Variants in WWC2 observed in about 807,000 individuals in gnomAD.
WWC2 encodes the protein WW and C2 domain containing 2.
In WWC2, 101 loss-of-function variants were observed where a neutral mutation model predicts 138.5. The observed-to-expected ratio is 0.73, with a 90% confidence interval of 0.62 to 0.86. The LOEUF is 0.86. Ranked by LOEUF, WWC2 falls within the 40% of genes least tolerant of loss-of-function variation. WWC2 has a pLI of 0.00. For missense variants in WWC2, 1,420 were observed against 1,419.4 expected, an observed-to-expected ratio of 1.00 and a Z score of -0.01; for synonymous variants, 558 against 538.4, an observed-to-expected ratio of 1.04 and a Z score of -0.50.
At chr4:183,200,039 T>G (rs573085169) in intron 2 of WWC2, among the ~76,000 whole-genome samples, 2 of 152,312 alleles carry the variant, frequency 1.3e-5, no homozygotes, top group East Asian at 3.9e-4. Flanking sequence ...CCTTCTAAGG[T>G]GGCTTTGGGA....
chr4:183,163,264 C>A (rs985799178), intron 1 of WWC2, among the ~76,000 whole-genome samples: 1 of 152,206 alleles, frequency 6.6e-6, no homozygotes, highest in Non-Finnish European at 1.5e-5. Context: ...TAGCTCCTCA[C>A]TCTTTCTGGT....
chr4:183,189,303 G>A (rs1355856493), intron 1 of WWC2, among the ~76,000 whole-genome samples: 1 of 151,922 alleles, frequency 6.6e-6, no homozygotes, highest in Non-Finnish European at 1.5e-5. Context: ...CAGGCGTGGT[G>A]GCGGGCGCCT....
chr4:183,312,175 C>T (rs1182682807), intron 21 of WWC2, among the ~76,000 whole-genome samples, 166 bp from the exon 22 acceptor site: 1 of 152,188 alleles, frequency 6.6e-6, no homozygotes, highest in East Asian at 1.9e-4. Flanking sequence ...ATGAGTTGGT[C>T]ATGTGGGTGT....
rs942766569 is a variant in WWC2 at position 183,289,972 on chromosome 4, T to C, written c.3384+337T>C. Among the ~76,000 whole-genome samples, 5 of 152,210 alleles carry C rather than the reference T, an allele frequency of 3.3e-5. No homozygotes were observed. In the South Asian group the frequency reaches 1.0e-3, roughly 32 times the overall value. On this transcript the variant is annotated intron_variant, in intron 21 of 22. Transcript: ENST00000403733. ...CTCCATATTGTTCTCCATCTTAACGTAAGACTTGACAAATAAATGCAGTAT... is the reference window on the plus strand; with the variant it reads ...CTCCATATTGTTCTCCATCTTAACGCAAGACTTGACAAATAAATGCAGTAT...
At chr4:183,267,346 C>G (rs999116686) in intron 14 of WWC2, among the ~76,000 whole-genome samples, 1 of 152,064 alleles carries the variant, frequency 6.6e-6, no homozygotes. Context: ...TTCCCAAATG[C>G]GAGATGAAAA....
intron 7 of WWC2, among the ~76,000 whole-genome samples, chr4:183,249,089 C>T (rs1200341901): frequency 6.6e-6 from 1 of 152,014 alleles, no homozygotes; most frequent in East Asian, 1.9e-4. Flanking sequence ...CAAACTTTCT[C>T]ATGCTATATT....
In WWC2 at chr4:183,126,498, A is replaced by G. The variant is rs1029423351; in HGVS notation, c.131+26876A>G. Among the ~76,000 whole-genome samples the G allele has an allele frequency of 2.6e-5, 4 of 152,220 alleles. No individual in the cohort carries two copies. In the South Asian group the frequency reaches 6.2e-4, roughly 24 times the overall value. On this transcript the variant is annotated intron_variant, in intron 1 of 22. Transcript: ENST00000403733. ...TGATAGGTATGTGTTCTTTCTATCC[A>G]CTGTTGTCATTTTTGTGGCAAATAA...
Position 183,319,846 on chromosome 4 carries a change from G to C in WWC2, c.*4117G>C. On this transcript the variant is annotated 3_prime_UTR_variant, in exon 23 of 23. Transcript: ENST00000403733. ...GCTGTGACTCCCGAGGCCCAGGACAGAATTCCTCCCAGGATCAGCAGTCGC... is the reference window on the plus strand; with the variant it reads ...GCTGTGACTCCCGAGGCCCAGGACACAATTCCTCCCAGGATCAGCAGTCGC... The C allele has an allele frequency of 1.2e-6, 2 of 1,614,006 alleles. No individual in the cohort carries two copies. Among genetic ancestry groups the C allele is most frequent in the South Asian group, 1.1e-5 (1 of 91,064 alleles).
Position 183,111,401 on chromosome 4 carries a change from A to G in WWC2, c.131+11779A>G, listed in dbSNP as rs978897272. ...CAACTTTGCACAAGATTTGAGGAGC[A>G]TGTAGTTTCATTTAGTGTGAAACTT... On this transcript the variant is annotated intron_variant, in intron 1 of 22. Transcript: ENST00000403733. Among the ~76,000 whole-genome samples the G allele has an allele frequency of 1.1e-4, 16 of 152,346 alleles. 1 individual carries two copies. The highest frequency in any genetic ancestry group is 1.3e-4 in the Non-Finnish European group (9 of 68,028).
intron 1 of WWC2, among the ~76,000 whole-genome samples, chr4:183,135,471 G>A (rs1317446007): frequency 6.6e-6 from 1 of 151,414 alleles, no homozygotes; most frequent in Non-Finnish European, 1.5e-5. Flanking sequence ...CTTCTTTTAG[G>A]ACAAGTCGAG....
intron 1 of WWC2, among the ~76,000 whole-genome samples, chr4:183,189,174 C>A (rs1734915730): frequency 6.6e-6 from 1 of 151,832 alleles, no homozygotes; most frequent in South Asian, 2.1e-4. Context: ...GTGGCTCATG[C>A]CTGTAATCCT....
chr4:183,187,371 T>C (rs10013505), intron 1 of WWC2, among the ~76,000 whole-genome samples: 2,434 of 139,964 alleles, frequency 0.017, 61 homozygotes, highest in African/African-American at 0.06. Context: ...CTGGCCAACA[T>C]GGTGAAACCC....
intron 1 of WWC2, among the ~76,000 whole-genome samples, chr4:183,102,121 T>C (rs907235415): frequency 1.3e-5 from 2 of 152,206 alleles, no homozygotes; most frequent in Non-Finnish European, 2.9e-5. Context: ...CAAACTTTGC[T>C]GGGATGTGAT....
chr4:183,203,971 T>G (rs978563526), intron 2 of WWC2, among the ~76,000 whole-genome samples: 3 of 152,202 alleles, frequency 2.0e-5, no homozygotes, highest in Non-Finnish European at 4.4e-5. Flanking sequence ...TACAAGGGTA[T>G]GTTGGGTTGA....
intron 22 of WWC2, among the ~76,000 whole-genome samples, chr4:183,313,880 C>T (rs185869180): frequency 1.0e-4 from 15 of 149,892 alleles, no homozygotes; most frequent in Non-Finnish European, 1.8e-4. Flanking sequence ...GTTTCAGCCC[C>T]GACGGAGGGA....
At chr4:183,283,732 A>C (rs574057096) in intron 18 of WWC2, among the ~76,000 whole-genome samples, 1 of 152,360 alleles carries the variant, frequency 6.6e-6, no homozygotes, top group African/African-American at 2.4e-5. Flanking sequence ...AGTTATGTTT[A>C]TACATGTATA....
rs892288513 is a variant in WWC2, at chr4:183,318,927, G to A, written c.*3198G>A. ...GAAATACAGAACACAGGATGCAGAA[G>A]CACGTTTGTGTGGCAGAGTCTACTT... On this transcript the variant is annotated 3_prime_UTR_variant, in exon 23 of 23. Coordinates refer to ENST00000403733, the MANE Select transcript of WWC2 (RefSeq NM_024949.6). The A allele has an allele frequency of 1.3e-5, 2 of 152,354 alleles. No homozygotes were observed. The highest frequency in any genetic ancestry group is 4.8e-5 in the African/African-American group (2 of 41,436). 9.4% of individuals were successfully genotyped at this position (152,354 alleles called of 1,614,324 possible).
At chr4:183,147,423 A>G (rs185003542) in intron 1 of WWC2, among the ~76,000 whole-genome samples, 92 of 152,286 alleles carry the variant, frequency 6.0e-4, no homozygotes, top group African/African-American at 2.1e-3. Flanking sequence ...AAGTCGCTGC[A>G]CAACAGGGTG....
At chr4:183,146,813 G>A (rs2111107546) in intron 1 of WWC2, among the ~76,000 whole-genome samples, 1 of 152,302 alleles carries the variant, frequency 6.6e-6, no homozygotes, top group Admixed American at 6.5e-5. Context: ...AGTGAAATCT[G>A]CACAGCTGGG....
Sources: gnomAD v4.1 joint callset for allele counts (sites outside exome capture counted in the v4.1 genomes callset) on GRCh38, gnomAD v4.1.1 for gene constraint, MANE v1.5 for transcripts, NCBI Gene and HGNC (gene_info 2026-07-23, HGNC 2026-07-21) for gene names.